FRMPD3: variants seen among roughly 807,000 people sequenced by gnomAD.
FRMPD3 encodes the protein FERM and PDZ domain containing 3, also known as FERM and PDZ domain-containing protein 3.
FRMPD3 carries 42 observed loss-of-function variants against 97.9 expected under a neutral mutation model. The observed-to-expected ratio is 0.43, with a 90% CI of 0.34 to 0.55. The LOEUF (loss-of-function observed/expected upper bound fraction) is 0.55, where lower values mean the gene tolerates loss of function less well. FRMPD3 is among the 20% of genes least tolerant of loss of function. The pLI is 0.03. For missense variants in FRMPD3, 1,303 were observed against 1,457.7 expected, an observed-to-expected ratio of 0.89 and a Z score of 1.73; for synonymous variants, 577 against 581.1, an observed-to-expected ratio of 0.99 and a Z score of 0.10.
At position 107,602,615 on chromosome X, in the gene FRMPD3, C is replaced by T; in HGVS notation, c.4576C>T (p.Pro1526Ser). 8.3e-7 allele frequency: 1 copy of T among 1,211,367 alleles called. No homozygotes were observed. Among genetic ancestry groups the T allele is most frequent in the Non-Finnish European group, 1.1e-6 (1 of 895,448 alleles). ...LSYSIPMKIL[P>S]GMKLDEQVVP... ...CTACTCTATCCCCATGAAGATCCTG[C>T]CTGGCATGAAGCTGGACGAGCAGGT... The change falls in exon 15 of 15, where the codon CCT becomes TCT. Residue 1526 changes from proline (P) to serine (S), a missense_variant. By Grantham distance (74) the Pro-to-Ser change is moderately conservative. Around this residue, in one of 3 missense-constraint regions of FRMPD3, gnomAD observed 764 missense variants for 820.2 expected, o/e 0.93. Coordinates refer to ENST00000683843, the MANE Select transcript of FRMPD3 (RefSeq NM_001388459.1).
At chrX:107,585,792 C>T (rs1188139129) in intron 13 of FRMPD3, among the ~76,000 whole-genome samples, 1 of 112,086 alleles carries the variant, frequency 8.9e-6, no homozygotes, top group Non-Finnish European at 1.9e-5. Context: ...GGGATGAAGC[C>T]AACTTGATTG....
At position 107,602,631 on chromosome X, in the gene FRMPD3, A is replaced by G. The variant is rs1924588284; in HGVS notation, c.4592A>G (p.Asp1531Gly). Residue 1531 changes from aspartate (D) to glycine (G), a missense_variant, in exon 15 of 15, where the codon GAC becomes GGC. Physicochemically the swap from Asp to Gly is moderately conservative, Grantham distance 94 (BLOSUM62 -1). This residue lies in a region of FRMPD3 where 764 missense variants were observed against 820.2 expected (regional missense o/e 0.93). Transcript: ENST00000683843. ...AAGATCCTGCCTGGCATGAAGCTGG[A>G]CGAGCAGGTGGTGCCTGTGGTGAGC... ...PMKILPGMKL[D>G]EQVVPVVSRT... is the part of the protein sequence containing the mutation. The G allele has an allele frequency of 8.3e-7, 1 of 1,210,147 alleles. No homozygotes were observed. Among genetic ancestry groups the G allele is most frequent in the African/African-American group, 1.7e-5 (1 of 57,688 alleles).
intron 1 of FRMPD3, among the ~76,000 whole-genome samples, chrX:107,497,461 C>A (rs1320042000): frequency 8.9e-6 from 1 of 112,429 alleles, no homozygotes; most frequent in Non-Finnish European, 1.9e-5. Context: ...TGCCCTGCAG[C>A]AGACCATTTG....
At chrX:107,466,465 A>T (rs958296771) in intron 1 of FRMPD3, among the ~76,000 whole-genome samples, 3 of 112,373 alleles carry the variant, frequency 2.7e-5, no homozygotes, top group Middle Eastern at 4.2e-3. Context: ...TTGGCTTCTC[A>T]GCTGGGGGCT....
chrX:107,524,055 G>A (rs769292081), intron 1 of FRMPD3, among the ~76,000 whole-genome samples: 1 of 112,454 alleles, frequency 8.9e-6, no homozygotes, highest in Non-Finnish European at 1.9e-5. Flanking sequence ...CCTGGCTGAT[G>A]CCCATGTCGG....
At chrX:107,523,012 A>G (rs754636066) in intron 1 of FRMPD3, among the ~76,000 whole-genome samples, 3 of 111,372 alleles carry the variant, frequency 2.7e-5, no homozygotes, top group South Asian at 3.8e-4. Context: ...ACATCTTTCA[A>G]AGTCAAATTG....
Position 107,600,703 on chromosome X carries a change from G to T in FRMPD3, c.2664G>T (p.Gln888His). 1 of 1,203,532 alleles carries T rather than the reference G, an allele frequency of 8.3e-7. No homozygotes were observed. The highest frequency in any genetic ancestry group is 1.1e-6 in the Non-Finnish European group (1 of 891,592). The change falls in exon 15 of 15, where the codon CAG becomes CAT. Residue 888 changes from glutamine to histidine, a missense_variant. This residue lies in a region of FRMPD3 where 764 missense variants were observed against 820.2 expected (regional missense o/e 0.93). Transcript: ENST00000683843. The stretch of plus-strand genomic sequence containing the variant: ...CACTGTCCCCACAGCTTAGTGAACA[G>T]AAGAATCTGAGTCTGCTGTCCCCAG... ...HPALSPQLSE[Q>H]KNLSLLSPVP...
At chrX:107,473,109 T>G (rs1341893198) in intron 1 of FRMPD3, among the ~76,000 whole-genome samples, 1 of 112,279 alleles carries the variant, frequency 8.9e-6, no homozygotes, top group Non-Finnish European at 1.9e-5. Context: ...CTAATGATCT[T>G]CAGTTTATGT....
At chrX:107,578,975 C>T (rs16985254) in intron 13 of FRMPD3, among the ~76,000 whole-genome samples, 4,145 of 111,659 alleles carry the variant, frequency 0.037, 169 homozygotes, top group African/African-American at 0.13. Context: ...AGGGATTATC[C>T]GTTCCTGATA....
chrX:107,532,804 C>A (rs751868683), intron 3 of FRMPD3, among the ~76,000 whole-genome samples: 1 of 112,731 alleles, frequency 8.9e-6, no homozygotes, highest in East Asian at 2.8e-4. Context: ...TCCTTCAGGG[C>A]AAACTATTTC....
At chrX:107,470,745 T>A (rs1372830403) in intron 1 of FRMPD3, among the ~76,000 whole-genome samples, 19 of 112,084 alleles carry the variant, frequency 1.7e-4, no homozygotes, top group Non-Finnish European at 3.8e-5. Flanking sequence ...GTATTGATGG[T>A]AGGAGGTAAA....
intron 1 of FRMPD3, among the ~76,000 whole-genome samples, chrX:107,497,339 T>C (rs189588948): frequency 8.8e-6 from 1 of 113,035 alleles, no homozygotes; most frequent in Non-Finnish European, 1.9e-5. Flanking sequence ...CTTGTCCAAG[T>C]AAGGAGTTTT....
chrX:107,465,639 G>T (rs185404140), intron 1 of FRMPD3, among the ~76,000 whole-genome samples: 1 of 111,372 alleles, frequency 9.0e-6, no homozygotes, highest in East Asian at 2.8e-4. Context: ...ATAATGTGTG[G>T]CACAAAACAG....
At position 107,601,424 on chromosome X, in the gene FRMPD3, T is replaced by G; in HGVS notation, c.3385T>G (p.Tyr1129Asp). ...EETSLVPRAT[Y>D]PMALQSPSCQ... Reference sequence around the variant, plus strand: ...GACCAGCCTGGTTCCCCGAGCTACCTACCCCATGGCTCTGCAGAGCCCCAG... The same window carrying G: ...GACCAGCCTGGTTCCCCGAGCTACCGACCCCATGGCTCTGCAGAGCCCCAG... Residue 1129 changes from tyrosine (Y) to aspartate (D), a missense_variant, in exon 15 of 15, where the codon TAC becomes GAC. Coordinates refer to ENST00000683843, the MANE Select transcript of FRMPD3 (RefSeq NM_001388459.1). 1 of 1,186,490 alleles carries G rather than the reference T, an allele frequency of 8.4e-7. No homozygotes were observed. Among genetic ancestry groups the G allele is most frequent in the Non-Finnish European group, 1.1e-6 (1 of 883,707 alleles).
chrX:107,510,421 G>C (rs1318775705), intron 1 of FRMPD3, among the ~76,000 whole-genome samples: 2 of 111,171 alleles, frequency 1.8e-5, no homozygotes, highest in Non-Finnish European at 3.8e-5. Context: ...CTCCCTGCCT[G>C]TCCCTGATGC....
intron 13 of FRMPD3, among the ~76,000 whole-genome samples, chrX:107,586,880 AT>A (rs1923673528): frequency 8.9e-6 from 1 of 112,123 alleles, no homozygotes; most frequent in African/African-American, 3.2e-5. Flanking sequence ...TATGTGGTTG[AT>A]TTTAGAATAA....
intron 1 of FRMPD3, among the ~76,000 whole-genome samples, chrX:107,497,537 A>C (rs761652865): frequency 5.1e-4 from 57 of 112,242 alleles, no homozygotes; most frequent in African/African-American, 1.6e-3. Context: ...TGCATAGACG[A>C]ATGCAGACTG....
chrX:107,566,272 G>A, intron 12 of FRMPD3, among the ~76,000 whole-genome samples: 1 of 113,196 alleles, frequency 8.8e-6, no homozygotes, highest in East Asian at 2.8e-4. Context: ...AGCAGATTAA[G>A]AGGTGGAGTG....
At chrX:107,536,411 G>T (rs1465633644) in intron 4 of FRMPD3, among the ~76,000 whole-genome samples, 1 of 110,930 alleles carries the variant, frequency 9.0e-6, no homozygotes, top group Non-Finnish European at 1.9e-5. Context: ...TAACCTTTGG[G>T]GATTGACTTT....
Sources: allele counts gnomAD v4.1 joint callset (sites outside exome capture counted in the v4.1 genomes callset), GRCh38; gene constraint gnomAD v4.1.1; regional missense constraint gnomAD v4.1.1; transcripts MANE v1.5; gene names NCBI Gene and HGNC (gene_info 2026-07-23, HGNC 2026-07-21).